Variants in THRA observed in about 807,000 individuals in gnomAD.
THRA encodes the protein thyroid hormone receptor alpha.
A neutral mutation model predicts 45.0 loss-of-function variants in THRA; 13 were observed. The observed-to-expected ratio is 0.29, with a 90% CI of 0.19 to 0.46. The LOEUF is 0.46. Among genes scored for constraint, THRA ranks in the 20% least tolerant of loss-of-function variants. The pLI, the probability that THRA is intolerant of heterozygous loss-of-function variation, is 1.00. For synonymous variants in THRA, 195 were observed against 214.0 expected (o/e 0.91, Z 0.78); for missense variants, 278 against 556.1 (o/e 0.50, Z 5.03).
chr17:40,069,903 G>A (rs1294209552), intron 1 of THRA, among the ~76,000 whole-genome samples: 1 of 152,048 alleles, frequency 6.6e-6, no homozygotes. Flanking sequence ...GAGGCTATGG[G>A]GGAGCCGAGT....
In THRA at chr17:40,087,308, G is replaced by GACAC. The variant is rs149986300; in HGVS notation, c.723+469_723+472dup. Among the ~76,000 whole-genome samples the GACAC allele has an allele frequency of 4.1e-3, 431 of 105,492 alleles. 1 individual carries two copies. In the Middle Eastern group the frequency reaches 0.089, roughly 22 times the overall value. The allele number at this position is 105,492 out of a possible 152,430, so 69.2% of individuals were successfully genotyped here. ...ACATAGACACACACACACAGATACA[G>GACAC]ACACACACACACACACAGACATATA... On this transcript the variant is annotated intron_variant, in intron 7 of 8. Coordinates refer to ENST00000450525, the MANE Select transcript of THRA (RefSeq NM_199334.5).
intron 1 of THRA, among the ~76,000 whole-genome samples, chr17:40,071,447 T>C (rs900086245): frequency 6.6e-6 from 1 of 152,102 alleles, no homozygotes; most frequent in Non-Finnish European, 1.5e-5. Context: ...CAGAAGTACT[T>C]AAGCTTAATG....
downstream of THRA, chr17:40,093,277 A>T (rs999169109): frequency 8.1e-6 from 13 of 1,613,538 alleles, no homozygotes; most frequent in Middle Eastern, 3.3e-4. This position sits in a 1 kb window ranked among gnomAD's most constrained non-coding sequence, Gnocchi z 5.9. Flanking sequence ...TCCATGCCCG[A>T]GCGGTCTGTG....
downstream of THRA, chr17:40,093,722 G>A (rs1987679858): frequency 1.6e-6 from 1 of 642,604 alleles, no homozygotes; most frequent in African/African-American, 1.8e-5. This position sits in a 1 kb window ranked among gnomAD's most constrained non-coding sequence, Gnocchi z 5.9. Flanking sequence ...TGCTTCTACT[G>A]TGACACTTAT....
At chr17:40,071,392 C>T (rs986922699) in intron 1 of THRA, among the ~76,000 whole-genome samples, 2 of 152,182 alleles carry the variant, frequency 1.3e-5, no homozygotes, top group African/African-American at 2.4e-5. Context: ...CCTGGCGGGG[C>T]GCCCGTGGAT....
chr17:40,077,044 G>C (rs1440228969), intron 3 of THRA, 106 bp downstream of exon 3: 1 of 1,206,154 alleles, frequency 8.3e-7, no homozygotes, highest in Non-Finnish European at 1.2e-6. Flanking sequence ...TGTTCCCTGG[G>C]GGGAGCCTCC....
In THRA at chr17:40,092,873, T is replaced by G; in HGVS notation, c.*3417T>G. On this transcript the variant is annotated 3_prime_UTR_variant, in exon 9 of 9. Transcript: ENST00000450525. ...GAGGGTTGTGGGGGAGACAGAGTGG[T>G]TTAAATAGGGGAGGAGGGGAAGTTC... The G allele has an allele frequency of 1.7e-6, 2 of 1,186,120 alleles. No homozygotes were observed. Among genetic ancestry groups the G allele is most frequent in the African/African-American group, 1.6e-5 (1 of 64,364 alleles). 73.5% of individuals were successfully genotyped at this position (1,186,120 alleles called of 1,614,324 possible). A position where few individuals can be genotyped will look rare whatever the true frequency, so the allele number is the denominator to read the frequency against.
chr17:40,084,579 T>C (rs775337812), intron 5 of THRA, 31 bp from the exon 6 acceptor site: 27 of 1,608,100 alleles, frequency 1.7e-5, no homozygotes, highest in Middle Eastern at 1.6e-4. Flanking sequence ...GAGGGTGCCA[T>C]GCGTTAGACC....
chr17:40,072,994 T>C (rs1986831385), intron 1 of THRA, among the ~76,000 whole-genome samples: 1 of 152,204 alleles, frequency 6.6e-6, no homozygotes, highest in Admixed American at 6.5e-5. Context: ...GCCCATGCTC[T>C]CCACACTACC....
At position 40,074,269 on chromosome 17, in the gene THRA, A is replaced by G; in HGVS notation, c.-220A>G. The stretch of plus-strand genomic sequence containing the variant: ...GGACCCACAAACCCAGCTTGCCCCC[A>G]GCCCTCCCACCTGCCACTCCCTGGC... On this transcript the variant is annotated 5_prime_UTR_variant, in exon 2 of 9. Coordinates refer to ENST00000450525, the MANE Select transcript of THRA (RefSeq NM_199334.5). The G allele has an allele frequency of 1.7e-6, 1 of 574,020 alleles. No homozygotes were observed. The highest frequency in any genetic ancestry group is 1.9e-5 in the South Asian group (1 of 51,360). The allele number at this position is 574,020 out of a possible 1,614,324, so 35.6% of individuals were successfully genotyped here.
intron 3 of THRA, among the ~76,000 whole-genome samples, 175 bp downstream of exon 3, chr17:40,077,113 C>T (rs1270635653): frequency 6.6e-6 from 1 of 152,104 alleles, no homozygotes; most frequent in South Asian, 2.1e-4. Flanking sequence ...ATGTGCCCAG[C>T]TTTTGAGGGT....
intron 3 of THRA, among the ~76,000 whole-genome samples, chr17:40,077,262 C>T (rs929645020): frequency 1.6e-4 from 24 of 152,194 alleles, no homozygotes; most frequent in Non-Finnish European, 2.8e-4. Context: ...CCCTCTCCAC[C>T]ATCCTCTGCC....
Position 40,091,260 on chromosome 17 carries a change from A to G in THRA, c.*1804A>G, listed in dbSNP as rs1987529853. The G allele has an allele frequency of 6.6e-6, 1 of 151,010 alleles. No individual in the cohort carries two copies. The highest frequency in any genetic ancestry group is 1.4e-5 in the Non-Finnish European group (1 of 70,288). 9.4% of individuals were successfully genotyped at this position (151,010 alleles called of 1,614,324 possible). ...CACACACACACACACACACACACAC[A>G]CACACACACACGGACATGCACACAC... On this transcript the variant is annotated 3_prime_UTR_variant, in exon 9 of 9. Transcript: ENST00000450525.
chr17:40,064,869 CCAGGTCCCCACAGTTG>C (rs982195775), intron 1 of THRA, among the ~76,000 whole-genome samples: 5 of 152,124 alleles, frequency 3.3e-5, no homozygotes, highest in African/African-American at 2.4e-5. Flanking sequence ...TTCACAAGGC[CCAGGTCCCCACAGTTG>C]CAGGTCCACA....
At chr17:40,063,272 T>A (rs1986425659) in intron 1 of THRA, among the ~76,000 whole-genome samples, 180 bp downstream of exon 1, 1 of 152,172 alleles carries the variant, frequency 6.6e-6, no homozygotes, top group Non-Finnish European at 1.5e-5. Context: ...AGCTTGCAAC[T>A]GACGCCCTGG....
Position 40,089,023 on chromosome 17 carries a change from GCC to G in THRA, c.983-182_983-181del, listed in dbSNP as rs1987436833. Among the ~76,000 whole-genome samples, 1 of 109,006 alleles carries G rather than the reference GCC, an allele frequency of 9.2e-6. No individual in the cohort carries two copies. Among genetic ancestry groups the G allele is most frequent in the African/African-American group, 3.6e-5 (1 of 27,732 alleles). The allele number at this position is 109,006 out of a possible 152,430, so 71.5% of individuals were successfully genotyped here. Reference sequence around the variant, plus strand: ...CCCTGCCCCTCTCCACTTCCCAGCTGCCTCCCTCTCCCTGTGCTTCTCCTGTC... The same window carrying G: ...CCCTGCCCCTCTCCACTTCCCAGCTGTCCCTCTCCCTGTGCTTCTCCTGTC... On this transcript the variant is annotated intron_variant, in intron 8 of 8. Transcript: ENST00000450525. The surrounding 1 kb of genome is among the most constrained non-coding windows in gnomAD (Gnocchi z 6.1).
intron 4 of THRA, among the ~76,000 whole-genome samples, chr17:40,082,758 C>CCTTTTTTTTTTTTTTTTT (rs1389256940): frequency 3.0e-5 from 2 of 67,516 alleles, no homozygotes; most frequent in South Asian, 5.8e-4. Flanking sequence ...GAATCGCATG[C>CCTTTTTTTTTTTTTTTTT]TTTTTTTTTT....
At position 40,091,231 on chromosome 17, in the gene THRA, TACACACACACACACACACACACACAC is replaced by T. The variant is rs71152640; in HGVS notation, c.*1790_*1815del. On this transcript the variant is annotated 3_prime_UTR_variant, in exon 9 of 9. Coordinates refer to ENST00000450525, the MANE Select transcript of THRA (RefSeq NM_199334.5). ...TGACCCTCAGCCTGCCACAGCCCCC[TACACACACACACACACACACACACAC>T]ACACACACACACACGGACATGCACA... 3.5e-5 allele frequency: 5 copies of T among 142,246 alleles called. No individual in the cohort carries two copies. Among genetic ancestry groups the T allele is most frequent in the Admixed American group, 3.5e-4 (5 of 14,236 alleles). 8.8% of individuals were successfully genotyped at this position (142,246 alleles called of 1,614,324 possible). A position where few individuals can be genotyped will look rare whatever the true frequency, so the allele number is the denominator to read the frequency against.
At chr17:40,076,028 G>A (rs904757736) in intron 2 of THRA, among the ~76,000 whole-genome samples, 3 of 152,226 alleles carry the variant, frequency 2.0e-5, no homozygotes, top group African/African-American at 4.8e-5. Flanking sequence ...TGCATGTAGA[G>A]GGCTTATGTA....
Sources: gnomAD v4.1 joint callset for allele counts (sites outside exome capture counted in the v4.1 genomes callset) on GRCh38, gnomAD v4.1.1 for gene constraint, Gnocchi (gnomAD v3.1) non-coding constraint, MANE v1.5 for transcripts, NCBI Gene and HGNC (gene_info 2026-07-23, HGNC 2026-07-21) for gene names.